The following SLC5A10 variants were observed in gnomAD, a reference collection of about 807,000 sequenced individuals.
SLC5A10 encodes the protein sodium/mannose cotransporter SLC5A10.
In SLC5A10, 55 loss-of-function variants were observed where a neutral mutation model predicts 68.9. The ratio of observed to expected loss-of-function variants is 0.80; its 90% CI spans 0.64 to 1.00. The LOEUF (loss-of-function observed/expected upper bound fraction) is 1.00, where lower values mean the gene tolerates loss of function less well. Ranked by LOEUF, SLC5A10 falls within the 50% of genes least tolerant of loss-of-function variation. The probability of loss-of-function intolerance (pLI) is 0.00; values close to 1 mark genes in which losing one functional copy is unlikely to be tolerated. For missense variants in SLC5A10, 732 were observed against 819.3 expected, an observed-to-expected ratio of 0.89 and a Z score of 1.30; for synonymous variants, 344 against 344.8, an observed-to-expected ratio of 1.00 and a Z score of 0.02.
At chr17:19,015,530 G>A (rs946945631) in intron 11 of SLC5A10, among the ~76,000 whole-genome samples, 2 of 152,120 alleles carry the variant, frequency 1.3e-5, no homozygotes, top group Non-Finnish European at 1.5e-5. Context: ...TCCCAGCTGC[G>A]CCACAGAGGG....
chr17:19,020,340 C>T lies in SLC5A10; in HGVS notation c.1700C>T (p.Pro567Leu), dbSNP rs1597922528. ...CCCCCTCCAGGTGATGGCCAAACAC[C>T]CCAGAAACACGCCTTCTGGGCCCGT... Reference protein sequence around the residue: ...LGTKAGDGQTPQKHAFWARVC... With the variant: ...LGTKAGDGQTLQKHAFWARVC... The change falls in exon 15 of 15, where the codon CCC becomes CTC. Residue 567 changes from proline to leucine, a missense_variant. Coordinates refer to ENST00000395645, the MANE Select transcript of SLC5A10 (RefSeq NM_001042450.4). The T allele has an allele frequency of 3.7e-6, 6 of 1,614,066 alleles. No individual in the cohort carries two copies. Among genetic ancestry groups the T allele is most frequent in the African/African-American group, 1.3e-5 (1 of 74,928 alleles).
chr17:18,974,576 A>G (rs2042933873), intron 8 of SLC5A10, among the ~76,000 whole-genome samples: 1 of 152,170 alleles, frequency 6.6e-6, no homozygotes, highest in Admixed American at 6.5e-5. Flanking sequence ...CTTAGTCAGT[A>G]GCAGCCACCT....
At chr17:18,977,954 C>T in intron 9 of SLC5A10, 1 of 1,602,052 alleles carries the variant, frequency 6.2e-7, no homozygotes, top group Non-Finnish European at 8.5e-7. Flanking sequence ...ATTGGGGAGC[C>T]CCACCCCGAG....
rs551494735 is a variant in SLC5A10 at position 18,993,781 on chromosome 17, A to G, written c.982+16792A>G. Reference sequence around the variant, plus strand: ...CAGACAGTGGCAGTGTGGGCTCTGCACCCGCTGGCTCCGATCTCAGCTCCT... The same window carrying G: ...CAGACAGTGGCAGTGTGGGCTCTGCGCCCGCTGGCTCCGATCTCAGCTCCT... On this transcript the variant is annotated intron_variant, in intron 9 of 14. Coordinates refer to ENST00000395645, the MANE Select transcript of SLC5A10 (RefSeq NM_001042450.4). Among the ~76,000 whole-genome samples the G allele has an allele frequency of 1.6e-4, 24 of 152,272 alleles. No homozygotes were observed. In the East Asian group the frequency reaches 3.7e-3, roughly 23 times the overall value.
Position 18,996,296 on chromosome 17 carries a change from C to T in SLC5A10, c.983-17114C>T, listed in dbSNP as rs909966159. 2.0e-5 allele frequency among the ~76,000 whole-genome samples: 3 copies of T among 152,194 alleles called. No homozygotes were observed. The highest frequency in any genetic ancestry group is 2.9e-5 in the Non-Finnish European group (2 of 68,030). On this transcript the variant is annotated intron_variant, in intron 9 of 14. Transcript: ENST00000395645. This position sits in a 1 kb window ranked among gnomAD's most constrained non-coding sequence, Gnocchi z 4.4. ...GCTGCAACCCCCTCCTCCAGCAGCA[C>T]GGTTGGGACAGACGTGGCTGCAGCA...
intron 11 of SLC5A10, 54 bp downstream of exon 11, chr17:19,015,253 C>G (rs1328950368): frequency 7.9e-7 from 1 of 1,272,684 alleles, no homozygotes; most frequent in African/African-American, 1.4e-5. Flanking sequence ...GGGTGGGCGC[C>G]CGCACTGACT....
In SLC5A10 at chr17:18,971,585, C is replaced by G. The variant is rs762076161; in HGVS notation, c.846+367C>G. Reference sequence around the variant, plus strand: ...ATCCGGAAGCAGGCGGGGTACCTGACCTCCCTTGGCCTGCCAGTGGTGGGG... The same window carrying G: ...ATCCGGAAGCAGGCGGGGTACCTGAGCTCCCTTGGCCTGCCAGTGGTGGGG... On this transcript the variant is annotated intron_variant, in intron 8 of 14. Coordinates refer to ENST00000395645, the MANE Select transcript of SLC5A10 (RefSeq NM_001042450.4). This position sits in a 1 kb window ranked among gnomAD's most constrained non-coding sequence, Gnocchi z 5.5. 62 of 1,613,454 alleles carry G rather than the reference C, an allele frequency of 3.8e-5. No homozygotes were observed. The highest frequency in any genetic ancestry group is 1.6e-4 in the Middle Eastern group (1 of 6,084).
chr17:18,951,218 T>C (rs2042363090), upstream of SLC5A10, among the ~76,000 whole-genome samples: 1 of 152,256 alleles, frequency 6.6e-6, no homozygotes, highest in Non-Finnish European at 1.5e-5. Context: ...CCAGCCCTGC[T>C]GTGTACACTG....
At chr17:19,014,065 C>A (rs940923855) in intron 10 of SLC5A10, among the ~76,000 whole-genome samples, 7 of 152,196 alleles carry the variant, frequency 4.6e-5, no homozygotes, top group Non-Finnish European at 7.3e-5. Context: ...GTCACACAGC[C>A]AATCAGACAC....
At chr17:18,963,600 G>A (rs768093947) in intron 5 of SLC5A10, among the ~76,000 whole-genome samples, 1 of 152,260 alleles carries the variant, frequency 6.6e-6, no homozygotes, top group Non-Finnish European at 1.5e-5. Flanking sequence ...GGTCCCCAGA[G>A]GCCCTGACCT....
In SLC5A10 at chr17:19,021,772, A is replaced by T. The variant is rs1168958934; in HGVS notation, c.*1341A>T. 3 of 472,212 alleles carry T rather than the reference A, an allele frequency of 6.4e-6. No individual in the cohort carries two copies. Among genetic ancestry groups the T allele is most frequent in the Non-Finnish European group, 1.0e-5 (3 of 288,432 alleles). The allele number at this position is 472,212 out of a possible 1,614,324, so 29.3% of individuals were successfully genotyped here. A position where few individuals can be genotyped will look rare whatever the true frequency, so the allele number is the denominator to read the frequency against. On this transcript the variant is annotated 3_prime_UTR_variant, in exon 15 of 15. Transcript: ENST00000395645. The surrounding 1 kb of genome is among the most constrained non-coding windows in gnomAD (Gnocchi z 4.1). ...AGCCCCGGAGCTACCCTTGCTGGGT[A>T]CCCTTGCTGGGGGACCTGGGCCATC... is the stretch of plus-strand genomic sequence containing the variant.
rs1376629395 is a variant in SLC5A10, at chr17:19,020,523, T to G, written c.*92T>G. The G allele has an allele frequency of 4.8e-6, 6 of 1,239,088 alleles. No individual in the cohort carries two copies. The highest frequency in any genetic ancestry group is 6.9e-6 in the Non-Finnish European group (6 of 869,646). The allele number at this position is 1,239,088 out of a possible 1,614,324, so 76.8% of individuals were successfully genotyped here. ...ATCCCGAGGCCCCAAGAGGGGCAGA[T>G]TCCCCTCACAGCTGCACAGCAGCTC... On this transcript the variant is annotated 3_prime_UTR_variant, in exon 15 of 15. Transcript: ENST00000395645.
chr17:18,977,059 C>T (rs769070332), intron 9 of SLC5A10, 70 bp downstream of exon 9: 15 of 1,586,556 alleles, frequency 9.5e-6, no homozygotes, highest in African/African-American at 4.0e-5. Context: ...GTCCTGCAAA[C>T]GTCACCAGAA....
Position 19,004,588 on chromosome 17 carries a change from G to C in SLC5A10, c.983-8822G>C, listed in dbSNP as rs1328611217. The C allele has an allele frequency of 6.6e-6, 1 of 152,084 alleles. No individual in the cohort carries two copies. The highest frequency in any genetic ancestry group is 1.5e-5 in the Non-Finnish European group (1 of 68,000). The allele number at this position is 152,084 out of a possible 1,614,324, so 9.4% of individuals were successfully genotyped here. Reference sequence around the variant, plus strand: ...AAATTTCCGGGTGCCGGCAACCCAGGAGGCCTGCCCGGAGGAGGCTGGGGC... The same window carrying C: ...AAATTTCCGGGTGCCGGCAACCCAGCAGGCCTGCCCGGAGGAGGCTGGGGC... On this transcript the variant is annotated intron_variant, in intron 9 of 14. Transcript: ENST00000395645. The surrounding 1 kb of genome is among the most constrained non-coding windows in gnomAD (Gnocchi z 5.4).
intron 1 of SLC5A10, among the ~76,000 whole-genome samples, chr17:18,954,725 T>C (rs748885993): frequency 6.6e-6 from 1 of 152,172 alleles, no homozygotes; most frequent in Non-Finnish European, 1.5e-5. Flanking sequence ...TTGCATTCAT[T>C]AAAGTATCTG....
In SLC5A10 at chr17:19,018,420, A is replaced by G. The variant is rs906980040; in HGVS notation, c.1242-1003A>G. ...TCCTCCTGAAAGCCCTCCTAGATTG[A>G]TGTTTCCTCTGAGCTGCTCCAGCCC... On this transcript the variant is annotated intron_variant, in intron 11 of 14. Transcript: ENST00000395645. The surrounding 1 kb of genome is among the most constrained non-coding windows in gnomAD (Gnocchi z 4.2). The G allele has an allele frequency of 1.3e-5, 2 of 152,128 alleles. No homozygotes were observed. Among genetic ancestry groups the G allele is most frequent in the Non-Finnish European group, 1.5e-5 (1 of 68,028 alleles). The allele number at this position is 152,128 out of a possible 1,614,324, so 9.4% of individuals were successfully genotyped here.
chr17:18,979,465 T>A, intron 9 of SLC5A10: 1 of 1,527,152 alleles, frequency 6.5e-7, no homozygotes, highest in Non-Finnish European at 8.9e-7. Context: ...TGAACCGGAA[T>A]AACCAGGGTT....
intron 9 of SLC5A10, among the ~76,000 whole-genome samples, chr17:18,982,536 A>G (rs926017090): frequency 6.6e-6 from 1 of 152,158 alleles, no homozygotes; most frequent in Non-Finnish European, 1.5e-5. Context: ...ACCCTCTGGG[A>G]CCTCAGTTTC....
chr17:18,980,601 C>T (rs73981269), intron 9 of SLC5A10, among the ~76,000 whole-genome samples: 1 of 152,186 alleles, frequency 6.6e-6, no homozygotes, highest in African/African-American at 2.4e-5. Flanking sequence ...CTTCCCTCCC[C>T]CAGGTAGCAG....
Sources: gnomAD v4.1 joint callset for allele counts (sites outside exome capture counted in the v4.1 genomes callset) on GRCh38, gnomAD v4.1.1 for gene constraint, Gnocchi (gnomAD v3.1) non-coding constraint, MANE v1.5 for transcripts, NCBI Gene and HGNC (gene_info 2026-07-23, HGNC 2026-07-21) for gene names.